The following REC8 variants were observed in gnomAD, a reference collection of about 807,000 sequenced individuals.
REC8 encodes meiotic recombination protein REC8 homolog.
A neutral mutation model predicts 78.3 loss-of-function variants in REC8; 42 were observed. The observed-to-expected ratio is 0.54, with a 90% CI of 0.42 to 0.69. REC8 has a LOEUF of 0.69. Among genes scored for constraint, REC8 ranks in the 30% least tolerant of loss-of-function variants. REC8 has a pLI of 0.00. For synonymous variants in REC8, 268 were observed against 274.1 expected (o/e 0.98, Z 0.22); for missense variants, 581 against 715.8 (o/e 0.81, Z 2.15).
Position 24,175,623 on chromosome 14 carries a change from A to G in REC8, c.543A>G (p.Pro181=). 1 of 1,612,246 alleles carries G rather than the reference A, an allele frequency of 6.2e-7. No individual in the cohort carries two copies. The highest frequency in any genetic ancestry group is 8.5e-7 in the Non-Finnish European group (1 of 1,178,364). The change falls in exon 6 of 19, where the codon CCA becomes CCG. Residue 181 remains proline, a splice_region_variant and synonymous_variant. Coordinates refer to ENST00000611366, the MANE Select transcript of REC8 (RefSeq NM_001048205.2). ...PPEVPTEPRE[P]ERIPVTVLPP... ...AAGTTCCTACAGAGCCCAGGGAGCC[A>G]GGTCAGCAGAGAGAACCTTCTTTCT...
chr14:24,176,677 A>G (rs2038913451), intron 6 of REC8, 145 bp from the exon 7 acceptor site: 1 of 672,546 alleles, frequency 1.5e-6, no homozygotes, highest in African/African-American at 1.8e-5. Context: ...TAAGCAGTGT[A>G]CCCAGGGTCA....
intron 11 of REC8, 56 bp downstream of exon 11, chr14:24,177,814 G>T (rs1318797612): frequency 1.1e-5 from 16 of 1,509,528 alleles, no homozygotes; most frequent in Non-Finnish European, 1.4e-5. Context: ...CCCCCACAAG[G>T]ACTGCCTCCC....
At chr14:24,180,313 G>A (rs889311988), downstream of REC8, 3 of 1,503,508 alleles carry the variant, frequency 2.0e-6, no homozygotes, top group Non-Finnish European at 2.7e-6. Flanking sequence ...CTGTAAGGCA[G>A]CAAGTGGGGC....
Position 24,175,569 on chromosome 14 carries a change from C to G in REC8, c.489C>G (p.Ile163Met). 6.2e-7 allele frequency: 1 copy of G among 1,614,036 alleles called. No individual in the cohort carries two copies. The highest frequency in any genetic ancestry group is 1.1e-5 in the South Asian group (1 of 91,082). The part of the protein sequence containing the change: ...PQIRHLLEAA[I>M]PERVEEIPPE... ...TTCGACACCTCTTAGAGGCTGCAAT[C>G]CCAGAGAGAGTTGAAGAGATCCCTC... The change falls in exon 6 of 19, where the codon ATC (isoleucine) becomes ATG (methionine). Residue 163 changes from isoleucine (I) to methionine (M), a missense_variant. Ile to Met is a conservative substitution (Grantham distance 10). Transcript: ENST00000611366.
At chr14:24,179,511 G>T (rs370260906) in intron 16 of REC8, 48 bp downstream of exon 16, 1 of 1,613,736 alleles carries the variant, frequency 6.2e-7, no homozygotes, top group African/African-American at 1.3e-5. Context: ...CCCTTGGCCA[G>T]GTGGTGGAAA....
At chr14:24,180,317 G>A, downstream of REC8, 1 of 1,503,954 alleles carries the variant, frequency 6.6e-7, no homozygotes, top group South Asian at 1.3e-5. Flanking sequence ...AAGGCAGCAA[G>A]TGGGGCTGGC....
chr14:24,173,846 T>A (rs1490823630), intron 5 of REC8, among the ~76,000 whole-genome samples: 3 of 152,106 alleles, frequency 2.0e-5, no homozygotes, highest in Admixed American at 1.3e-4. Flanking sequence ...CCCATTTATT[T>A]CTTTTTTTAT....
In REC8 at chr14:24,179,118, C is replaced by T; in HGVS notation, c.1237C>T (p.Leu413Phe). 1 of 1,578,812 alleles carries T rather than the reference C, an allele frequency of 6.3e-7. No homozygotes were observed. The highest frequency in any genetic ancestry group is 8.6e-7 in the Non-Finnish European group (1 of 1,162,140). ...GGAGGCCCTGGAGCCCAGTGTTCCC[C>T]TTATGGTGTCTTTAGGTAAGCACCT... Reference protein sequence around the residue: ...PREALEPSVPLMVSLEISLEA... With the variant: ...PREALEPSVPFMVSLEISLEA... The change falls in exon 15 of 19, where the codon CTT becomes TTT. Residue 413 changes from leucine (L) to phenylalanine (F), a missense_variant. Leu to Phe is a conservative substitution (Grantham distance 22). Coordinates refer to ENST00000611366, the MANE Select transcript of REC8 (RefSeq NM_001048205.2).
At chr14:24,172,805 G>C in intron 2 of REC8, 24 bp downstream of exon 2, 11 of 1,614,182 alleles carry the variant, frequency 6.8e-6, no homozygotes, top group Non-Finnish European at 9.3e-6. Flanking sequence ...AAGGGAAGGA[G>C]GGCCTGGTGC....
Position 24,172,495 on chromosome 14 carries a change from T to G in REC8, c.-58T>G, listed in dbSNP as rs2038709714. The G allele has an allele frequency of 3.9e-6, 6 of 1,552,284 alleles. No homozygotes were observed. Among genetic ancestry groups the G allele is most frequent in the African/African-American group, 1.4e-5 (1 of 73,480 alleles). ...TTGGGAATTCTGTGCCCTAAAGAAT[T>G]CCGACTCAGATCCGAACGGGGATCT... On this transcript the variant is annotated 5_prime_UTR_variant, in exon 1 of 19. The change creates a new upstream start codon in the 5' untranslated region. Coordinates refer to ENST00000611366, the MANE Select transcript of REC8 (RefSeq NM_001048205.2).
In REC8 at chr14:24,172,550, A is replaced by G; in HGVS notation, c.-3A>G. ...GAATCGAGGGTGAAAGACCAGAGGG[A>G]CAATGTTCTACTATCCCAACGTGCT... On this transcript the variant is annotated 5_prime_UTR_variant, in exon 1 of 19. Transcript: ENST00000611366. The G allele has an allele frequency of 6.2e-7, 1 of 1,611,156 alleles. No individual in the cohort carries two copies. The highest frequency in any genetic ancestry group is 8.5e-7 in the Non-Finnish European group (1 of 1,177,818).
intron 5 of REC8, among the ~76,000 whole-genome samples, chr14:24,173,857 T>A (rs2139124036): frequency 6.6e-6 from 1 of 152,280 alleles, no homozygotes; most frequent in South Asian, 2.1e-4. Flanking sequence ...CTTTTTTTAT[T>A]TTATTACTAT....
At chr14:24,177,306 C>T in intron 8 of REC8, 47 bp from the exon 9 acceptor site, 1 of 1,614,006 alleles carries the variant, frequency 6.2e-7, no homozygotes, top group Non-Finnish European at 8.5e-7. Context: ...GGGCAATGCT[C>T]CCATTTCTCT....
chr14:24,180,307 A>G, downstream of REC8: 5 of 1,507,332 alleles, frequency 3.3e-6, no homozygotes, highest in South Asian at 6.3e-5. Context: ...ACAGCCCTGT[A>G]AGGCAGCAAG....
At chr14:24,180,905 A>T (rs2039126485), downstream of REC8, 2 of 629,552 alleles carry the variant, frequency 3.2e-6, no homozygotes, top group Admixed American at 6.0e-5. Flanking sequence ...AACTATGAAC[A>T]TGAGAAGAAC....
chr14:24,178,983 C>G (rs34810995), intron 14 of REC8, 67 bp downstream of exon 14: 33 of 1,604,076 alleles, frequency 2.1e-5, no homozygotes, highest in Non-Finnish European at 2.7e-5. Context: ...TGGCTGCCCT[C>G]TCCTGCTATG....
chr14:24,177,120 T>C lies in REC8; in HGVS notation c.625-21T>C, dbSNP rs780379120. Reference sequence around the variant, plus strand: ...AGAAATATTATTGAATCCCCTCCCCTTGCTCTTCCTCTCTGGACAGGGTGA... The same window carrying C: ...AGAAATATTATTGAATCCCCTCCCCCTGCTCTTCCTCTCTGGACAGGGTGA... On this transcript the variant is annotated intron_variant, in intron 7 of 18. Coordinates refer to ENST00000611366, the MANE Select transcript of REC8 (RefSeq NM_001048205.2). 5.0e-6 allele frequency: 8 copies of C among 1,610,328 alleles called. No homozygotes were observed. The African/African-American group carries it at 9.4e-5, about 19-fold the overall frequency.
chr14:24,172,529 C>T lies in REC8; in HGVS notation c.-24C>T, dbSNP rs1175184755. 4 of 1,603,498 alleles carry T rather than the reference C, an allele frequency of 2.5e-6. No individual in the cohort carries two copies. The East Asian group carries it at 9.0e-5, about 36-fold the overall frequency. The stretch of plus-strand genomic sequence containing the variant: ...GATCCGAACGGGGATCTGGTGGAAT[C>T]GAGGGTGAAAGACCAGAGGGACAAT... On this transcript the variant is annotated 5_prime_UTR_variant, in exon 1 of 19. Transcript: ENST00000611366.
At chr14:24,175,235 A>AC in intron 5 of REC8, 1 of 221,444 alleles carries the variant, frequency 4.5e-6, no homozygotes, top group Non-Finnish European at 9.1e-6. Flanking sequence ...GGAACTCCTG[A>AC]CATCAAGTGA....
Sources: allele counts gnomAD v4.1 joint callset (sites outside exome capture counted in the v4.1 genomes callset), GRCh38; gene constraint gnomAD v4.1.1; transcripts MANE v1.5; gene names NCBI Gene and HGNC (gene_info 2026-07-23, HGNC 2026-07-21).